Variants in ARHGAP22 observed in about 807,000 individuals in gnomAD.
ARHGAP22 encodes rho GTPase-activating protein 22.
A neutral mutation model predicts 59.1 loss-of-function variants in ARHGAP22; 48 were observed. The ratio of observed to expected loss-of-function variants is 0.81; its 90% CI spans 0.64 to 1.03. The LOEUF (loss-of-function observed/expected upper bound fraction) is 1.03, where lower values mean the gene tolerates loss of function less well. ARHGAP22 is among the 50% of genes least tolerant of loss of function. ARHGAP22 has a pLI of 0.00. For missense variants in ARHGAP22, 1,015 were observed against 958.7 expected, an observed-to-expected ratio of 1.06 and a Z score of -0.78; for synonymous variants, 445 against 416.4, an observed-to-expected ratio of 1.07 and a Z score of -0.84.
chr10:48,558,078 A>G (rs1217205558), intron 2 of ARHGAP22, among the ~76,000 whole-genome samples: 4 of 152,088 alleles, frequency 2.6e-5, no homozygotes, highest in African/African-American at 9.7e-5. Context: ...AAGTACCTGG[A>G]TTTGGAGTGT....
intron 2 of ARHGAP22, among the ~76,000 whole-genome samples, chr10:48,582,271 C>T (rs914323265): frequency 6.6e-6 from 1 of 152,194 alleles, no homozygotes; most frequent in African/African-American, 2.4e-5. Flanking sequence ...GTTTTATCCC[C>T]AAGAGATACC....
At chr10:48,455,268 C>T (rs967185520) in intron 5 of ARHGAP22, 134 bp from the exon 6 acceptor site, 18 of 1,076,272 alleles carry the variant, frequency 1.7e-5, no homozygotes, top group Middle Eastern at 3.3e-4. Flanking sequence ...GCTGCATCTG[C>T]GGCCAGCTGC....
chr10:48,506,774 C>T (rs1311983267), intron 3 of ARHGAP22, among the ~76,000 whole-genome samples: 1 of 152,034 alleles, frequency 6.6e-6, no homozygotes, highest in Non-Finnish European at 1.5e-5. Context: ...AATGGTGCCC[C>T]TAGAGTTATG....
intron 1 of ARHGAP22, among the ~76,000 whole-genome samples, chr10:48,650,355 C>T (rs2062510933): frequency 6.6e-6 from 1 of 152,016 alleles, no homozygotes; most frequent in African/African-American, 2.4e-5. Flanking sequence ...TTGCATGAGT[C>T]CATTTACATG....
At chr10:48,454,211 T>G in intron 6 of ARHGAP22, 50 bp from the exon 7 acceptor site, 7 of 1,479,904 alleles carry the variant, frequency 4.7e-6, no homozygotes, top group Non-Finnish European at 5.7e-6. Context: ...GGGCCCTGAC[T>G]GTTCTCTGAC....
intron 1 of ARHGAP22, among the ~76,000 whole-genome samples, chr10:48,620,033 A>C (rs1454274202): frequency 6.6e-6 from 1 of 152,240 alleles, no homozygotes; most frequent in Non-Finnish European, 1.5e-5. Flanking sequence ...ATTTGCAAAC[A>C]ACCTGGAAAG....
At chr10:48,450,190 A>G (rs1004869597) in intron 9 of ARHGAP22, 71 bp downstream of exon 9, 38 of 1,551,278 alleles carry the variant, frequency 2.4e-5, no homozygotes, top group South Asian at 9.7e-5. Context: ...GCCGACGCCC[A>G]TGTGCCAAGA....
chr10:48,560,682 G>C (rs2166226), intron 2 of ARHGAP22, among the ~76,000 whole-genome samples: 149,839 of 152,238 alleles, frequency 0.98, 73,779 homozygotes, highest in Middle Eastern at 1. Flanking sequence ...TCCTTTGTAT[G>C]CCTGGTTTGT....
chr10:48,492,596 C>T (rs933871277), intron 3 of ARHGAP22, among the ~76,000 whole-genome samples: 1 of 151,898 alleles, frequency 6.6e-6, no homozygotes, highest in Non-Finnish European at 1.5e-5. Context: ...TCTTTTTGCC[C>T]CAACTGGAGT....
chr10:48,650,198 G>C (rs2062502331), intron 1 of ARHGAP22, among the ~76,000 whole-genome samples: 2 of 126,382 alleles, frequency 1.6e-5, no homozygotes, highest in South Asian at 5.3e-4. Flanking sequence ...GGCATTGCCA[G>C]TCCATTTTTA....
chr10:48,467,620 C>G (rs2133913623), intron 4 of ARHGAP22, among the ~76,000 whole-genome samples: 1 of 152,202 alleles, frequency 6.6e-6, no homozygotes, highest in African/African-American at 2.4e-5. Context: ...AGTTATGGGT[C>G]AAGTGATAAT....
At chr10:48,590,492 T>G (rs2059686733) in intron 1 of ARHGAP22, among the ~76,000 whole-genome samples, 1 of 152,166 alleles carries the variant, frequency 6.6e-6, no homozygotes, top group Non-Finnish European at 1.5e-5. Context: ...CCCCACCAGC[T>G]GAGGCCCTAC....
At position 48,632,023 on chromosome 10, in the gene ARHGAP22, G is replaced by A. The variant is rs141279579; in HGVS notation, c.52+20211C>T. The stretch of plus-strand genomic sequence containing the variant: ...GGGTACAGGTGGTTTTGGTTACATG[G>A]ATGAATTCTATAGTGGGGAATTCTG... On this transcript the variant is annotated intron_variant, in intron 1 of 9. Coordinates refer to the ARHGAP22 transcript ENST00000435790. 8.3e-3 allele frequency among the ~76,000 whole-genome samples: 1,263 copies of A among 152,206 alleles called. 20 individuals carry two copies. Among genetic ancestry groups the A allele is most frequent in the African/African-American group, 0.029 (1,204 of 41,510 alleles).
At chr10:48,587,619 G>A (rs1187586761) in intron 1 of ARHGAP22, among the ~76,000 whole-genome samples, 1 of 152,174 alleles carries the variant, frequency 6.6e-6, no homozygotes, top group Non-Finnish European at 1.5e-5. Flanking sequence ...TCTCTTATCA[G>A]AGAATCTTCA....
intron 2 of ARHGAP22, among the ~76,000 whole-genome samples, chr10:48,565,625 G>A (rs4838626): frequency 0.34 from 51,257 of 151,960 alleles, 9,781 homozygotes; most frequent in East Asian, 0.89. Flanking sequence ...TGACATTGCC[G>A]CTTAGGTAGA....
intron 3 of ARHGAP22, among the ~76,000 whole-genome samples, chr10:48,519,493 G>T (rs148736752): frequency 1.2e-3 from 176 of 152,366 alleles, no homozygotes; most frequent in African/African-American, 4.0e-3. Flanking sequence ...CCAACAATAG[G>T]CTGGGGCCAG....
intron 3 of ARHGAP22, among the ~76,000 whole-genome samples, chr10:48,529,850 G>A (rs974339405): frequency 4.6e-5 from 7 of 152,142 alleles, no homozygotes; most frequent in African/African-American, 1.7e-4. Context: ...CATAAAAGTA[G>A]GGAAAGAACA....
At chr10:48,655,357 TG>T (rs1387593576), upstream of ARHGAP22, among the ~76,000 whole-genome samples, 4 of 150,596 alleles carry the variant, frequency 2.7e-5, no homozygotes, top group East Asian at 8.0e-4. Context: ...CAGCCTATAG[TG>T]GGGACAAGGT....
chr10:48,603,882 G>A (rs2060528627), intron 1 of ARHGAP22, among the ~76,000 whole-genome samples: 1 of 152,178 alleles, frequency 6.6e-6, no homozygotes, highest in South Asian at 2.1e-4. Context: ...CAAACACCTG[G>A]TGAGACACAA....
Sources: allele counts gnomAD v4.1 joint callset (sites outside exome capture counted in the v4.1 genomes callset), GRCh38; gene constraint gnomAD v4.1.1; transcripts MANE v1.5; gene names NCBI Gene and HGNC (gene_info 2026-07-23, HGNC 2026-07-21).